Variants in MERTK observed in about 807,000 individuals in gnomAD.
MERTK encodes tyrosine-protein kinase Mer.
MERTK carries 69 observed loss-of-function variants against 99.3 expected under a neutral mutation model. The ratio of observed to expected loss-of-function variants is 0.70; its 90% confidence interval spans 0.57 to 0.85. The LOEUF is 0.85. Ranked by LOEUF, MERTK falls within the 40% of genes least tolerant of loss-of-function variation. The probability of loss-of-function intolerance (pLI) is 0.00; values close to 1 mark genes in which losing one functional copy is unlikely to be tolerated. For synonymous variants in MERTK, 426 were observed against 467.6 expected (o/e 0.91, Z 1.15); for missense variants, 1,125 against 1,249.4 (o/e 0.90, Z 1.50).
In MERTK at chr2:112,019,422, C is replaced by G. The variant is rs775924652; in HGVS notation, c.2089C>G (p.Leu697Val). The G allele has an allele frequency of 6.2e-7, 1 of 1,610,792 alleles. No homozygotes were observed. Among genetic ancestry groups the G allele is most frequent in the East Asian group, 2.2e-5 (1 of 44,864 alleles). Residue 697 changes from leucine to valine, a missense_variant, in exon 16 of 19, where the codon CTG becomes GTG. Coordinates refer to ENST00000295408, the MANE Select transcript of MERTK (RefSeq NM_006343.3). ...TTCCTCTATCATCTAGCATATTCCT[C>G]TGCAGACACTATTGAAGTTCATGGT... Reference protein sequence around the residue: ...RLETGPKHIPLQTLLKFMVDI... With the variant: ...RLETGPKHIPVQTLLKFMVDI...
In MERTK at chr2:111,898,622, C is replaced by A; in HGVS notation, c.-114C>A. The A allele has an allele frequency of 9.2e-6, 12 of 1,306,442 alleles. No individual in the cohort carries two copies. Among genetic ancestry groups the A allele is most frequent in the Non-Finnish European group, 1.1e-5 (10 of 929,516 alleles). 80.9% of individuals were successfully genotyped at this position (1,306,442 alleles called of 1,614,324 possible). A position where few individuals can be genotyped will look rare whatever the true frequency, so the allele number is the denominator to read the frequency against. ...TGGCTCCGCCACTCGGCACTCACTG[C>A]CCGGGCCGCCCGGACAGGGAGCTTC... On this transcript the variant is annotated 5_prime_UTR_variant, in exon 1 of 19. Transcript: ENST00000295408.
chr2:111,969,792 C>T (rs190516107), intron 6 of MERTK, among the ~76,000 whole-genome samples: 90 of 150,124 alleles, frequency 6.0e-4, no homozygotes, highest in African/African-American at 2.0e-3. Flanking sequence ...CCCGGGTTCA[C>T]GCCATTCTCC....
intron 2 of MERTK, among the ~76,000 whole-genome samples, chr2:111,938,103 G>T (rs1052119026): frequency 4.6e-5 from 7 of 151,900 alleles, no homozygotes; most frequent in African/African-American, 1.7e-4. Context: ...TTGAGACAGG[G>T]TTTCACTCTG....
At chr2:111,964,057 C>A (rs868491230) in intron 4 of MERTK, among the ~76,000 whole-genome samples, 1 of 44,064 alleles carries the variant, frequency 2.3e-5, no homozygotes, top group African/African-American at 9.5e-5. Context: ...TTTTTTTTTG[C>A]TCTTTCCATA....
intron 8 of MERTK, among the ~76,000 whole-genome samples, chr2:111,990,218 T>A (rs1434542766): frequency 6.6e-6 from 1 of 152,214 alleles, no homozygotes; most frequent in Non-Finnish European, 1.5e-5. Flanking sequence ...ACATCCATTT[T>A]AAAAAAACAT....
Position 112,005,864 on chromosome 2 carries a change from A to G in MERTK, c.1867+1880A>G, listed in dbSNP as rs74606540. 4.3e-3 allele frequency among the ~76,000 whole-genome samples: 659 copies of G among 152,238 alleles called. 5 individuals are homozygous for G. Among genetic ancestry groups the G allele is most frequent in the African/African-American group, 0.014 (561 of 41,542 alleles). ...TGTAAGCATGTACTGAGACTCTTAA[A>G]TGAAAAGGCTGAAGTTTATTTATTT... is the stretch of plus-strand genomic sequence containing the variant. On this transcript the variant is annotated intron_variant, in intron 13 of 18. Coordinates refer to ENST00000295408, the MANE Select transcript of MERTK (RefSeq NM_006343.3).
chr2:112,019,548 G>C (rs1457721909), intron 16 of MERTK, 26 bp downstream of exon 16: 1 of 1,544,800 alleles, frequency 6.5e-7, no homozygotes, highest in East Asian at 2.2e-5. Context: ...TATCCTGGAA[G>C]GGTTTGGACC....
At chr2:111,997,531 C>G in intron 10 of MERTK, 55 bp downstream of exon 10, 2 of 1,590,464 alleles carry the variant, frequency 1.3e-6, no homozygotes, top group Non-Finnish European at 1.7e-6. Flanking sequence ...GTTGTTATAC[C>G]AAGTGATTAT....
chr2:111,899,518 C>CT lies in MERTK; in HGVS notation c.61+734dup, dbSNP rs1186269773. On this transcript the variant is annotated intron_variant, in intron 1 of 18. Coordinates refer to ENST00000295408, the MANE Select transcript of MERTK (RefSeq NM_006343.3). ...GGATTCAGCGAAGTGTTGTTACAGG[C>CT]TTTTTTTTTTTTAATTTGAGACCGA... Among the ~76,000 whole-genome samples the CT allele has an allele frequency of 3.9e-3, 578 of 146,382 alleles. 4 individuals carry two copies. The highest frequency in any genetic ancestry group is 0.013 in the African/African-American group (501 of 40,048).
chr2:111,996,434 T>C, intron 9 of MERTK: 1 of 154,278 alleles, frequency 6.5e-6, no homozygotes. Flanking sequence ...CGGAGACATG[T>C]GGCTGTGTTG....
In MERTK at chr2:111,965,111, A is replaced by G. The variant is rs1191717356; in HGVS notation, c.758-80A>G. The G allele has an allele frequency of 6.0e-6, 8 of 1,324,104 alleles. No individual in the cohort carries two copies. In the Admixed American group the frequency reaches 1.2e-4, roughly 21 times the overall value. 82.0% of individuals were successfully genotyped at this position (1,324,104 alleles called of 1,614,324 possible). ...AAGCCATGAACCAAGAAATAAAATA[A>G]TACAAAGACAACCATAGAATTGTAG... is the stretch of plus-strand genomic sequence containing the variant. On this transcript the variant is annotated intron_variant, in intron 4 of 18. Transcript: ENST00000295408.
chr2:111,958,513 T>C (rs950291994), intron 4 of MERTK, among the ~76,000 whole-genome samples: 1 of 152,232 alleles, frequency 6.6e-6, no homozygotes, highest in African/African-American at 2.4e-5. Flanking sequence ...TTTGAACTAG[T>C]TTCCTCTTCT....
intron 7 of MERTK, among the ~76,000 whole-genome samples, chr2:111,978,946 C>A (rs758568104): frequency 6.6e-6 from 1 of 152,196 alleles, no homozygotes; most frequent in Non-Finnish European, 1.5e-5. Flanking sequence ...CCACTGCTGA[C>A]ACAAGACCAT....
At chr2:111,972,233 G>T (rs1051337094) in intron 6 of MERTK, among the ~76,000 whole-genome samples, 2 of 152,148 alleles carry the variant, frequency 1.3e-5, no homozygotes, top group Non-Finnish European at 2.9e-5. Flanking sequence ...GTTTCACCAT[G>T]TCACCCAGGC....
chr2:111,989,340 G>A (rs914652697), intron 8 of MERTK, among the ~76,000 whole-genome samples: 8 of 150,734 alleles, frequency 5.3e-5, no homozygotes, highest in Non-Finnish European at 2.9e-5. Context: ...ATACAGTTAC[G>A]AGTTATAGGG....
chr2:112,009,336 A>G (rs1677047522), intron 14 of MERTK, among the ~76,000 whole-genome samples: 1 of 152,256 alleles, frequency 6.6e-6, no homozygotes, highest in South Asian at 2.1e-4. Flanking sequence ...GAGCTTTGCA[A>G]GCATGGGATC....
chr2:112,010,512 C>T (rs187748988), intron 15 of MERTK, among the ~76,000 whole-genome samples: 1,664 of 152,268 alleles, frequency 0.011, 20 homozygotes, highest in Non-Finnish European at 0.011. Flanking sequence ...ATTCTGAAAA[C>T]TGTTTGTAAC....
intron 2 of MERTK, among the ~76,000 whole-genome samples, chr2:111,932,942 T>C (rs966223749): frequency 6.6e-6 from 1 of 152,122 alleles, no homozygotes; most frequent in Non-Finnish European, 1.5e-5. Context: ...GGAGTGTTTT[T>C]GGTTGGAGAT....
intron 6 of MERTK, among the ~76,000 whole-genome samples, chr2:111,969,276 C>G (rs112055331): frequency 3.3e-5 from 5 of 152,266 alleles, no homozygotes; most frequent in African/African-American, 1.2e-4. Context: ...GTGGTAGAAC[C>G]AGAACTCAAG....
Sources: gnomAD v4.1 joint callset for allele counts (sites outside exome capture counted in the v4.1 genomes callset) on GRCh38, gnomAD v4.1.1 for gene constraint, MANE v1.5 for transcripts, NCBI Gene and HGNC (gene_info 2026-07-23, HGNC 2026-07-21) for gene names.